Variants in FRY observed in about 807,000 individuals in gnomAD.
The protein encoded by FRY is protein furry homolog.
A neutral mutation model predicts 348.4 loss-of-function variants in FRY; 128 were observed. The ratio of observed to expected loss-of-function variants is 0.37; its 90% CI spans 0.32 to 0.43. The LOEUF (loss-of-function observed/expected upper bound fraction) is 0.43. Ranked by LOEUF, FRY falls within the 20% of genes least tolerant of loss-of-function variation. FRY has a pLI of 1.00. For missense variants in FRY, 2,736 were observed against 3,695.2 expected (o/e 0.74, Z 6.73); for synonymous variants, 1,370 against 1,374.7 (o/e 1.00, Z 0.08).
At chr13:32,158,282 T>C (rs1881231684) in intron 16 of FRY, among the ~76,000 whole-genome samples, 2 of 152,226 alleles carry the variant, frequency 1.3e-5, no homozygotes, top group Non-Finnish European at 2.9e-5. Flanking sequence ...TGCAGCCGTT[T>C]CTTGGATCAA....
At chr13:32,233,437 C>G (rs1283555046) in intron 41 of FRY, among the ~76,000 whole-genome samples, 1 of 152,220 alleles carries the variant, frequency 6.6e-6, no homozygotes, top group Non-Finnish European at 1.5e-5. Context: ...TGAGCTTTAT[C>G]TTACATTTTC....
chr13:32,240,337 G>A (rs1886433956), intron 46 of FRY, among the ~76,000 whole-genome samples: 1 of 152,224 alleles, frequency 6.6e-6, no homozygotes, highest in Non-Finnish European at 1.5e-5. Flanking sequence ...ACACCTGTCA[G>A]TACACGGCAC....
At chr13:32,185,383 T>G (rs1882970729) in intron 26 of FRY, among the ~76,000 whole-genome samples, 1 of 152,228 alleles carries the variant, frequency 6.6e-6, no homozygotes. Context: ...ATTTCTATTC[T>G]TTGTTTTGGT....
At chr13:32,061,170 A>G in intron 1 of FRY, 1 of 533,308 alleles carries the variant, frequency 1.9e-6, no homozygotes, top group Non-Finnish European at 3.8e-6. Flanking sequence ...CTTGGTAGGT[A>G]TGAAAGGCTG....
intron 34 of FRY, 146 bp downstream of exon 34, chr13:32,211,180 G>T: frequency 1.2e-6 from 1 of 806,342 alleles, no homozygotes; most frequent in Non-Finnish European, 2.1e-6. Context: ...AAGAATAACT[G>T]AGACATGGGC....
At chr13:32,244,608 T>A (rs977155019) in intron 47 of FRY, among the ~76,000 whole-genome samples, 1 of 152,216 alleles carries the variant, frequency 6.6e-6, no homozygotes, top group Non-Finnish European at 1.5e-5. Flanking sequence ...ACTGTCACTT[T>A]AGAGTTGAAG....
chr13:32,143,587 T>C (rs890872598), intron 11 of FRY, among the ~76,000 whole-genome samples: 5 of 152,144 alleles, frequency 3.3e-5, no homozygotes, highest in African/African-American at 4.8e-5. Context: ...TACAGTGAAA[T>C]TGAGATGATA....
intron 14 of FRY, 28 bp downstream of exon 14, chr13:32,149,862 A>G: frequency 2.2e-6 from 3 of 1,337,616 alleles, no homozygotes; most frequent in African/African-American, 1.4e-5. Context: ...ATGTACTTCT[A>G]ACAGAGCATG....
chr13:32,179,041 G>A lies in FRY; in HGVS notation c.2871+8G>A. 1 of 1,607,778 alleles carries A rather than the reference G, an allele frequency of 6.2e-7. No individual in the cohort carries two copies. Among genetic ancestry groups the A allele is most frequent in the Non-Finnish European group, 8.5e-7 (1 of 1,174,326 alleles). ...GTGAGCTACGATAACAAGGTGACAT[G>A]ACATGCTTCAGAAGAATTATTCTGT... On this transcript the variant is annotated splice_region_variant and intron_variant, in intron 22 of 60. Coordinates refer to ENST00000542859, the MANE Select transcript of FRY (RefSeq NM_023037.3).
chr13:32,099,891 G>A (rs540593645), intron 2 of FRY, among the ~76,000 whole-genome samples: 1 of 152,072 alleles, frequency 6.6e-6, no homozygotes, highest in African/African-American at 2.4e-5. Context: ...AAGGTGAATT[G>A]TTTCTGTAGT....
intron 24 of FRY, 125 bp downstream of exon 24, chr13:32,183,159 T>C (rs1307539629): frequency 1.6e-6 from 1 of 607,704 alleles, no homozygotes; most frequent in Non-Finnish European, 3.0e-6. Context: ...TGAATCTTTA[T>C]ATTTTAACTT....
At chr13:32,133,437 C>T (rs1879494047) in intron 8 of FRY, among the ~76,000 whole-genome samples, 1 of 152,102 alleles carries the variant, frequency 6.6e-6, no homozygotes, top group Admixed American at 6.5e-5. Context: ...TTATTTATCC[C>T]ACTCTCATAT....
intron 36 of FRY, among the ~76,000 whole-genome samples, chr13:32,221,456 G>A (rs1885308227): frequency 6.6e-6 from 1 of 152,214 alleles, no homozygotes; most frequent in African/African-American, 2.4e-5. Flanking sequence ...CTGCTGGCCT[G>A]CTTTGGGAGC....
At chr13:32,275,653 G>T (rs1888499821) in intron 56 of FRY, among the ~76,000 whole-genome samples, 1 of 152,210 alleles carries the variant, frequency 6.6e-6, no homozygotes, top group Non-Finnish European at 1.5e-5. Context: ...ATGCCAGGTT[G>T]CCCAGTCGGA....
intron 1 of FRY, 140 bp downstream of exon 1, chr13:32,032,005 C>A (rs2138327766): frequency 1.6e-6 from 1 of 611,372 alleles, no homozygotes; most frequent in East Asian, 2.8e-5. Flanking sequence ...TTTTCTCTTT[C>A]TTTCTTTCTT....
chr13:32,076,427 G>A (rs905587361), intron 1 of FRY, among the ~76,000 whole-genome samples: 5 of 152,156 alleles, frequency 3.3e-5, no homozygotes, highest in Non-Finnish European at 7.4e-5. Flanking sequence ...CTGGTGTTGG[G>A]GAGGTGTCCT....
chr13:32,090,404 A>C (rs1418190054), intron 2 of FRY, among the ~76,000 whole-genome samples: 1 of 151,248 alleles, frequency 6.6e-6, no homozygotes, highest in Non-Finnish European at 1.5e-5. Context: ...ATGTGTGGTC[A>C]AGGAAGGCAC....
At chr13:32,124,486 TTA>T (rs1276563504) in intron 5 of FRY, 110 bp downstream of exon 5, 2 of 851,144 alleles carry the variant, frequency 2.3e-6, no homozygotes, top group Non-Finnish European at 3.9e-6. Context: ...AAATACTGGG[TTA>T]TATGACTTAT....
At chr13:32,124,507 A>G in intron 5 of FRY, 95 bp from the exon 6 acceptor site, 1 of 852,940 alleles carries the variant, frequency 1.2e-6, no homozygotes, top group Non-Finnish European at 2.0e-6. Context: ...ATGTTTATTG[A>G]TTGCTATTGA....
Sources: allele counts gnomAD v4.1 joint callset (sites outside exome capture counted in the v4.1 genomes callset), GRCh38; gene constraint gnomAD v4.1.1; transcripts MANE v1.5; gene names NCBI Gene and HGNC (gene_info 2026-07-23, HGNC 2026-07-21).